FBN2: variants seen among roughly 807,000 people sequenced by gnomAD.
FBN2 encodes the protein fibrillin 2.
FBN2 carries 105 observed loss-of-function variants against 355.6 expected under a neutral mutation model. That is an observed-to-expected ratio of 0.30 (90% CI 0.25 to 0.35). The LOEUF is 0.35. FBN2 is among the 10% of genes least tolerant of loss of function. The pLI, the probability that FBN2 is intolerant of heterozygous loss-of-function variation, is 1.00. For missense variants in FBN2, 3,280 were observed against 3,758.7 expected, an observed-to-expected ratio of 0.87 and a Z score of 3.33; for synonymous variants, 1,350 against 1,301.2, an observed-to-expected ratio of 1.04 and a Z score of -0.81.
chr5:128,306,853 G>A (rs751337339), intron 42 of FBN2, among the ~76,000 whole-genome samples: 7 of 152,152 alleles, frequency 4.6e-5, no homozygotes, highest in Admixed American at 3.9e-4. Context: ...GTAATACAAT[G>A]TGCATGACAA....
intron 7 of FBN2, among the ~76,000 whole-genome samples, chr5:128,429,215 T>A (rs999023753): frequency 4.6e-5 from 7 of 152,156 alleles, no homozygotes; most frequent in Non-Finnish European, 8.8e-5. Flanking sequence ...AGATCCCCAA[T>A]ACCGTTCTCT....
At chr5:128,509,585 A>T (rs75834886) in intron 5 of FBN2, among the ~76,000 whole-genome samples, 16,029 of 151,958 alleles carry the variant, frequency 0.11, 1,011 homozygotes, top group African/African-American at 0.18. Flanking sequence ...TTCCATTTTG[A>T]TCATGCTCTC....
At chr5:128,295,387 C>G (rs1421409927) in intron 48 of FBN2, among the ~76,000 whole-genome samples, 45 of 150,948 alleles carry the variant, frequency 3.0e-4, no homozygotes, top group African/African-American at 1.0e-3. Context: ...GCATTGGTAG[C>G]TTCATGGGGA....
chr5:128,372,686 T>C (rs1353221529), intron 15 of FBN2, among the ~76,000 whole-genome samples: 2 of 152,110 alleles, frequency 1.3e-5, no homozygotes, highest in East Asian at 3.9e-4. Flanking sequence ...GACACAGGAT[T>C]TCACCATGGA....
intron 7 of FBN2, among the ~76,000 whole-genome samples, chr5:128,417,701 A>C (rs1186988562): frequency 6.6e-6 from 1 of 152,066 alleles, no homozygotes; most frequent in Non-Finnish European, 1.5e-5. Context: ...GATAAATCTC[A>C]TTTGATTGTG....
Position 128,377,733 on chromosome 5 carries a change from G to A in FBN2, c.1849+19C>T, listed in dbSNP as rs1177573222. On this transcript the variant is annotated intron_variant, in intron 13 of 64. Transcript: ENST00000262464. Reference sequence around the variant, plus strand: ...TATCCTTTTAAAATCTTTTGCAAGGGAGCAGGCAATTTCCATACCAACACA... The same window carrying A: ...TATCCTTTTAAAATCTTTTGCAAGGAAGCAGGCAATTTCCATACCAACACA... 6.2e-7 allele frequency: 1 copy of A among 1,612,770 alleles called. No homozygotes were observed. Among genetic ancestry groups the A allele is most frequent in the Non-Finnish European group, 8.5e-7 (1 of 1,179,118 alleles).
intron 2 of FBN2, among the ~76,000 whole-genome samples, chr5:128,536,139 A>G (rs137866268): frequency 2.0e-5 from 3 of 152,362 alleles, no homozygotes; most frequent in African/African-American, 7.2e-5. Context: ...TTGTATTAAT[A>G]GACATAGAAA....
At chr5:128,473,015 C>T (rs1303738991) in intron 5 of FBN2, among the ~76,000 whole-genome samples, 2 of 152,056 alleles carry the variant, frequency 1.3e-5, no homozygotes, top group Non-Finnish European at 2.9e-5. Context: ...TTGACCACGC[C>T]CCTCGTGATG....
intron 8 of FBN2, 107 bp from the exon 9 acceptor site, chr5:128,395,381 T>C (rs1247681497): frequency 8.8e-7 from 1 of 1,133,358 alleles, no homozygotes; most frequent in Non-Finnish European, 1.3e-6. Flanking sequence ...TACCACTTAA[T>C]CTCTGTTATC....
In FBN2 at chr5:128,393,206, T is replaced by G; in HGVS notation, c.1394A>C (p.Asn465Thr). The G allele has an allele frequency of 1.2e-6, 2 of 1,614,152 alleles. No individual in the cohort carries two copies. The highest frequency in any genetic ancestry group is 8.5e-7 in the Non-Finnish European group (1 of 1,180,014). The change falls in exon 10 of 65, where the codon AAT becomes ACT. Residue 465 changes from asparagine (N) to threonine (T), a missense_variant. Asn to Thr is a moderately conservative substitution (Grantham distance 65). Coordinates refer to ENST00000262464, the MANE Select transcript of FBN2 (RefSeq NM_001999.4). ...TCCCCCAACGCCAGGAGAAAAGCCATTGCCTCCAGGGATGGGGATGAAGCC... is the reference window on the plus strand; with the variant it reads ...TCCCCCAACGCCAGGAGAAAAGCCAGTGCCTCCAGGGATGGGGATGAAGCC... ...GTGFIPIPGG[N>T]GFSPGVGGAG...
intron 34 of FBN2, among the ~76,000 whole-genome samples, chr5:128,326,461 C>A (rs1305257050): frequency 1.3e-5 from 2 of 152,122 alleles, no homozygotes; most frequent in Non-Finnish European, 2.9e-5. Flanking sequence ...TTTATATTCC[C>A]CCATTTTGGT....
At chr5:128,452,318 A>G (rs542450883) in intron 6 of FBN2, among the ~76,000 whole-genome samples, 1 of 152,300 alleles carries the variant, frequency 6.6e-6, no homozygotes, top group Non-Finnish European at 1.5e-5. Flanking sequence ...ATTATTCCAA[A>G]TCACATGTAA....
At chr5:128,410,864 G>C (rs970034507) in intron 7 of FBN2, among the ~76,000 whole-genome samples, 2 of 151,978 alleles carry the variant, frequency 1.3e-5, no homozygotes, top group South Asian at 2.1e-4. Flanking sequence ...TACATAAAAG[G>C]CTCTCAGGTT....
chr5:128,439,712 T>C (rs979787309), intron 7 of FBN2, among the ~76,000 whole-genome samples: 1 of 152,124 alleles, frequency 6.6e-6, no homozygotes, highest in Non-Finnish European at 1.5e-5. Context: ...TTTTTTTCTT[T>C]TATTGCCATG....
intron 11 of FBN2, 139 bp from the exon 12 acceptor site, chr5:128,379,029 T>C: frequency 1.1e-6 from 1 of 946,890 alleles, no homozygotes; most frequent in Admixed American, 1.8e-5. Flanking sequence ...TATAAATGAA[T>C]GAAAATTCCT....
intron 42 of FBN2, 124 bp from the exon 43 acceptor site, chr5:128,306,072 A>AT (rs1176550626): frequency 1.1e-6 from 1 of 900,860 alleles, no homozygotes. Context: ...AAAATCTATT[A>AT]TATACTAGTA....
At chr5:128,523,779 A>ATT (rs111737216) in intron 4 of FBN2, among the ~76,000 whole-genome samples, 44 of 150,606 alleles carry the variant, frequency 2.9e-4, no homozygotes, top group African/African-American at 4.9e-4. Flanking sequence ...TACTTTTTCT[A>ATT]TTTTTTTTTA....
Position 128,451,492 on chromosome 5 carries a change from T to G in FBN2, c.827-4886A>C, listed in dbSNP as rs567851683. ...TCGGCTCCCTGCAACCTCCACCTCC[T>G]GGGTTCAAGCGATTGTCCTGCCTCA... On this transcript the variant is annotated intron_variant, in intron 6 of 64. Coordinates refer to ENST00000262464, the MANE Select transcript of FBN2 (RefSeq NM_001999.4). 1.2e-4 allele frequency among the ~76,000 whole-genome samples: 18 copies of G among 152,190 alleles called. 1 individual carries two copies.
chr5:128,366,079 C>A (rs1751758354), intron 17 of FBN2, among the ~76,000 whole-genome samples: 2 of 151,830 alleles, frequency 1.3e-5, no homozygotes, highest in South Asian at 4.1e-4. Context: ...CTTTTTTTAA[C>A]TTAAATGTCA....
Sources: allele counts gnomAD v4.1 joint callset (sites outside exome capture counted in the v4.1 genomes callset), GRCh38; gene constraint gnomAD v4.1.1; transcripts MANE v1.5; gene names NCBI Gene and HGNC (gene_info 2026-07-23, HGNC 2026-07-21).